EPAS1: variants seen among roughly 807,000 people sequenced by gnomAD.
The protein encoded by EPAS1 is endothelial PAS domain protein 1.
Under a neutral mutation model 87.9 loss-of-function variants are expected in EPAS1, and 23 were observed. The ratio of observed to expected loss-of-function variants is 0.26; its 90% CI spans 0.19 to 0.37. The LOEUF is 0.37. EPAS1 is among the 10% of genes least tolerant of loss of function. The probability of loss-of-function intolerance (pLI) is 1.00; values close to 1 mark genes in which losing one functional copy is unlikely to be tolerated. For synonymous variants in EPAS1, 508 were observed against 444.3 expected (o/e 1.14, Z -1.80); for missense variants, 1,138 against 1,120.7 (o/e 1.02, Z -0.22).
chr2:46,350,896 C>T (rs916639818), intron 2 of EPAS1, among the ~76,000 whole-genome samples: 1 of 152,260 alleles, frequency 6.6e-6, no homozygotes, highest in African/African-American at 2.4e-5. Context: ...ATTATATTTT[C>T]CTGATCTCTA....
At chr2:46,332,734 T>C (rs1374142385) in intron 1 of EPAS1, among the ~76,000 whole-genome samples, 1 of 151,612 alleles carries the variant, frequency 6.6e-6, no homozygotes, top group Non-Finnish European at 1.5e-5. Flanking sequence ...CTCTATGTTA[T>C]ATCACCAGAA....
At chr2:46,381,038 G>C in intron 12 of EPAS1, 1 of 432,900 alleles carries the variant, frequency 2.3e-6, no homozygotes, top group South Asian at 2.6e-5. Flanking sequence ...AGAAAATTGA[G>C]TGATGATTTT....
chr2:46,317,611 ACCAGCTGCATTAGT>A (rs1486548584), intron 1 of EPAS1, among the ~76,000 whole-genome samples: 2 of 152,194 alleles, frequency 1.3e-5, no homozygotes, highest in African/African-American at 4.8e-5. Context: ...GCTTAAACTC[ACCAGCTGCATTAGT>A]CCCTAGTAAG....
At position 46,373,210 on chromosome 2, in the gene EPAS1, A is replaced by C. The variant is rs1684664846; in HGVS notation, c.887-2480A>C. The stretch of plus-strand genomic sequence containing the variant: ...AAAGATTAGACAAGATGATACAACC[A>C]TTTTGGAAATAATTTGGCAGCTTCT... On this transcript the variant is annotated intron_variant, in intron 7 of 15. Coordinates refer to ENST00000263734, the MANE Select transcript of EPAS1 (RefSeq NM_001430.5). Among the ~76,000 whole-genome samples the C allele has an allele frequency of 2.6e-5, 4 of 152,348 alleles. No homozygotes were observed. The South Asian group carries it at 8.3e-4, about 32-fold the overall frequency.
Position 46,300,161 on chromosome 2 carries a change from G to T in EPAS1, c.26+2224G>T, listed in dbSNP as rs1323202049. On this transcript the variant is annotated intron_variant, in intron 1 of 15. Transcript: ENST00000263734. This position sits in a 1 kb window ranked among gnomAD's most constrained non-coding sequence, Gnocchi z 4.1. The stretch of plus-strand genomic sequence containing the variant: ...TGTTTGCTGGCTGCAGGCTTCTTTA[G>T]GGACCAAGATGTAATTAAAATATGT... Among the ~76,000 whole-genome samples the T allele has an allele frequency of 6.6e-6, 1 of 152,196 alleles. No homozygotes were observed. The highest frequency in any genetic ancestry group is 2.4e-5 in the African/African-American group (1 of 41,452).
chr2:46,373,694 T>A (rs1445769845), intron 7 of EPAS1, among the ~76,000 whole-genome samples: 1 of 152,228 alleles, frequency 6.6e-6, no homozygotes, highest in Non-Finnish European at 1.5e-5. Context: ...GGAAAAGTGC[T>A]ATGCCTTCAC....
Position 46,342,372 on chromosome 2 carries a change from C to T in EPAS1, c.27-4501C>T, listed in dbSNP as rs1381841934. Among the ~76,000 whole-genome samples, 7 of 152,220 alleles carry T rather than the reference C, an allele frequency of 4.6e-5. 1 individual carries two copies. The highest frequency in any genetic ancestry group is 1.4e-4 in the African/African-American group (6 of 41,450). ...ATTTGACCTTTATTTCCTCCATTCT[C>T]AGCTTCTTGCAAATTGGCTCCAGCT... On this transcript the variant is annotated intron_variant, in intron 1 of 15. Coordinates refer to ENST00000263734, the MANE Select transcript of EPAS1 (RefSeq NM_001430.5).
intron 1 of EPAS1, among the ~76,000 whole-genome samples, chr2:46,332,115 T>G (rs535690795): frequency 2.5e-4 from 38 of 152,210 alleles, no homozygotes; most frequent in Non-Finnish European, 5.4e-4. Context: ...CAACCATTGC[T>G]TTAGAGGCTC....
At position 46,375,652 on chromosome 2, in the gene EPAS1, C is replaced by T; in HGVS notation, c.887-38C>T. The stretch of plus-strand genomic sequence containing the variant: ...TGAGCCTGTGGTGCACACCCCTGCC[C>T]CACCTCCCTAAGCTCAGCTCTGTTT... On this transcript the variant is annotated intron_variant, in intron 7 of 15. Transcript: ENST00000263734. The surrounding 1 kb of genome is among the most constrained non-coding windows in gnomAD (Gnocchi z 4.1). The T allele has an allele frequency of 6.2e-7, 1 of 1,607,802 alleles. No homozygotes were observed. Among genetic ancestry groups the T allele is most frequent in the Non-Finnish European group, 8.5e-7 (1 of 1,177,016 alleles).
At chr2:46,342,025 G>A (rs1354695606) in intron 1 of EPAS1, among the ~76,000 whole-genome samples, 1 of 151,962 alleles carries the variant, frequency 6.6e-6, no homozygotes, top group Non-Finnish European at 1.5e-5. Context: ...TTAAAAACTG[G>A]CTGCTTTGGA....
chr2:46,379,838 G>C, intron 11 of EPAS1: 1 of 302,928 alleles, frequency 3.3e-6, no homozygotes, highest in Non-Finnish European at 6.4e-6. Context: ...AAAAGCCACA[G>C]TGTGCACCAC....
Position 46,378,764 on chromosome 2 carries a change from C to G in EPAS1, c.1551C>G (p.Thr517=), listed in dbSNP as rs372040598. The part of the protein sequence containing the change: ...MDTEAKDQCS[T]QTDFNELDLE... ...CAGAGGCCAAGGACCAATGCAGTAC[C>G]CAGGTAGATGGCTGTGGAGATCAGG... is the stretch of plus-strand genomic sequence containing the variant. The change falls in exon 11 of 16, where the codon ACC becomes ACG. Residue 517 remains threonine (T), a synonymous_variant. Transcript: ENST00000263734. The G allele has an allele frequency of 2.5e-6, 4 of 1,613,110 alleles. No individual in the cohort carries two copies. In the African/African-American group the frequency reaches 5.3e-5, roughly 22 times the overall value.
chr2:46,350,169 C>A (rs1481561613), intron 2 of EPAS1, among the ~76,000 whole-genome samples: 1 of 152,158 alleles, frequency 6.6e-6, no homozygotes, highest in Admixed American at 6.5e-5. Context: ...AGTGTAAATT[C>A]TTACTATCCT....
Position 46,377,829 on chromosome 2 carries a change from C to T in EPAS1, c.1250-65C>T, listed in dbSNP as rs778931007. On this transcript the variant is annotated intron_variant, in intron 9 of 15. Transcript: ENST00000263734. ...AGGGCCTTCTCTGCGGTTTTTGGGCCTCCTCTGCCTTGGGGTGAGCCCGAT... is the reference window on the plus strand; with the variant it reads ...AGGGCCTTCTCTGCGGTTTTTGGGCTTCCTCTGCCTTGGGGTGAGCCCGAT... 6.9e-4 allele frequency: 1,068 copies of T among 1,551,246 alleles called. 1 individual carries two copies. Among genetic ancestry groups the T allele is most frequent in the Non-Finnish European group, 8.6e-4 (988 of 1,146,928 alleles).
At position 46,347,120 on chromosome 2, in the gene EPAS1, T is replaced by G. The variant is rs1684045804; in HGVS notation, c.217+57T>G. 1 of 1,593,124 alleles carries G rather than the reference T, an allele frequency of 6.3e-7. No individual in the cohort carries two copies. Among genetic ancestry groups the G allele is most frequent in the Admixed American group, 1.7e-5 (1 of 59,964 alleles). On this transcript the variant is annotated intron_variant, in intron 2 of 15. Coordinates refer to ENST00000263734, the MANE Select transcript of EPAS1 (RefSeq NM_001430.5). The surrounding 1 kb of genome is among the most constrained non-coding windows in gnomAD (Gnocchi z 4.2). The stretch of plus-strand genomic sequence containing the variant: ...GATGCCAGCCTTACCAGCATGTTCC[T>G]ATATGCAGGGGACCCTTCTGCTGCC...
intron 1 of EPAS1, among the ~76,000 whole-genome samples, chr2:46,304,642 A>C (rs1046277097): frequency 6.6e-6 from 1 of 152,144 alleles, no homozygotes; most frequent in Non-Finnish European, 1.5e-5. Context: ...CCCTGACAAG[A>C]GGTGGTTCTC....
Position 46,297,840 on chromosome 2 carries a change from G to C in EPAS1, c.-72G>C. The C allele has an allele frequency of 6.3e-7, 1 of 1,575,556 alleles. No individual in the cohort carries two copies. The highest frequency in any genetic ancestry group is 8.6e-7 in the Non-Finnish European group (1 of 1,161,070). The stretch of plus-strand genomic sequence containing the variant: ...CGCCCGGGCCGCGGGGAGCGGACGA[G>C]GGCCACAGCCCCCCACCCGCCAGGG... On this transcript the variant is annotated 5_prime_UTR_variant, in exon 1 of 16. Transcript: ENST00000263734.
chr2:46,373,692 G>A (rs377031529), intron 7 of EPAS1, among the ~76,000 whole-genome samples: 7 of 152,310 alleles, frequency 4.6e-5, no homozygotes, highest in South Asian at 4.2e-4. Flanking sequence ...ATGGAAAAGT[G>A]CTATGCCTTC....
chr2:46,321,072 A>G (rs942982838), intron 1 of EPAS1, among the ~76,000 whole-genome samples: 4 of 152,244 alleles, frequency 2.6e-5, no homozygotes, highest in Non-Finnish European at 4.4e-5. Flanking sequence ...GATAATCACT[A>G]TTCTACTTTC....
Sources: allele counts gnomAD v4.1 joint callset (sites outside exome capture counted in the v4.1 genomes callset), GRCh38; gene constraint gnomAD v4.1.1; non-coding constraint Gnocchi (gnomAD v3.1); transcripts MANE v1.5; gene names NCBI Gene and HGNC (gene_info 2026-07-23, HGNC 2026-07-21).